Variants in VTA1 observed in about 807,000 individuals in gnomAD.
VTA1 encodes the protein vesicle trafficking 1, also known as vacuolar protein sorting-associated protein VTA1 homolog.
Under a neutral mutation model 36.9 loss-of-function variants are expected in VTA1, and 24 were observed. The ratio of observed to expected loss-of-function variants is 0.65; its 90% CI spans 0.47 to 0.91. The LOEUF is 0.91. VTA1 is among the 40% of genes least tolerant of loss of function. VTA1 has a pLI of 0.00. For missense variants in VTA1, 393 were observed against 377.2 expected (o/e 1.04, Z -0.35); for synonymous variants, 142 against 130.2 (o/e 1.09, Z -0.62).
chr6:142,184,065 A>G (rs1473224532), intron 4 of VTA1, among the ~76,000 whole-genome samples: 2 of 152,218 alleles, frequency 1.3e-5, no homozygotes, highest in Non-Finnish European at 2.9e-5. Context: ...GCCTAATTTT[A>G]AAGACCCTCA....
At chr6:142,171,293 C>T (rs1353194997) in intron 4 of VTA1, among the ~76,000 whole-genome samples, 1 of 152,054 alleles carries the variant, frequency 6.6e-6, no homozygotes, top group African/African-American at 2.4e-5. Flanking sequence ...CAGGGTTTCA[C>T]CATGTTGGTC....
chr6:142,193,156 G>C (rs1270314576), intron 5 of VTA1, among the ~76,000 whole-genome samples: 1 of 152,016 alleles, frequency 6.6e-6, no homozygotes, highest in Non-Finnish European at 1.5e-5. Context: ...CTTTTGAAAA[G>C]TACAGTTACT....
At chr6:142,168,791 G>T (rs533413532) in intron 2 of VTA1, among the ~76,000 whole-genome samples, 48 of 148,142 alleles carry the variant, frequency 3.2e-4, no homozygotes, top group African/African-American at 1.2e-3. Flanking sequence ...TTTTGAGACA[G>T]AGTCTCGCTC....
chr6:142,195,670 A>C (rs1402988571), intron 5 of VTA1, among the ~76,000 whole-genome samples: 2 of 140,946 alleles, frequency 1.4e-5, no homozygotes, highest in East Asian at 4.1e-4. Context: ...CTTTTCTGAT[A>C]GAATAATTTA....
chr6:142,213,801 A>G (rs1775950969), intron 7 of VTA1, among the ~76,000 whole-genome samples: 1 of 152,168 alleles, frequency 6.6e-6, no homozygotes, highest in African/African-American at 2.4e-5. Context: ...AAGGCTACAC[A>G]GAGCAGCTGG....
intron 4 of VTA1, among the ~76,000 whole-genome samples, chr6:142,180,927 G>A (rs931932181): frequency 1.3e-5 from 2 of 151,340 alleles, no homozygotes; most frequent in Non-Finnish European, 1.5e-5. Context: ...TACAAAGGAC[G>A]TGATTGGGAC....
At position 142,219,315 on chromosome 6, in the gene VTA1, G is replaced by A. The variant is rs1776060725; in HGVS notation, c.*672G>A. On this transcript the variant is annotated 3_prime_UTR_variant, in exon 8 of 8. Coordinates refer to ENST00000367630, the MANE Select transcript of VTA1 (RefSeq NM_016485.5). The stretch of plus-strand genomic sequence containing the variant: ...CTTTACCTTATCTGTTAAAGCGTAA[G>A]ATGAATTGGTATTTGCTTCATAGGC... 1 of 152,174 alleles carries A rather than the reference G, an allele frequency of 6.6e-6. No homozygotes were observed. Among genetic ancestry groups the A allele is most frequent in the South Asian group, 2.1e-4 (1 of 4,832 alleles). The allele number at this position is 152,174 out of a possible 1,614,324, so 9.4% of individuals were successfully genotyped here.
intron 6 of VTA1, 123 bp from the exon 7 acceptor site, chr6:142,203,862 C>A: frequency 1.4e-6 from 1 of 723,102 alleles, no homozygotes; most frequent in Non-Finnish European, 2.4e-6. Flanking sequence ...AAGTTAGAAT[C>A]CATTGATGTT....
At position 142,218,730 on chromosome 6, in the gene VTA1, T is replaced by C; in HGVS notation, c.*87T>C. On this transcript the variant is annotated 3_prime_UTR_variant, in exon 8 of 8. Coordinates refer to ENST00000367630, the MANE Select transcript of VTA1 (RefSeq NM_016485.5). ...CTTCAGCCTATCAGGATCACAGTTTTAAGGAAGACTTGGTTTTGTTGAATA... is the reference window on the plus strand; with the variant it reads ...CTTCAGCCTATCAGGATCACAGTTTCAAGGAAGACTTGGTTTTGTTGAATA... 1 of 1,435,172 alleles carries C rather than the reference T, an allele frequency of 7.0e-7. No individual in the cohort carries two copies. Among genetic ancestry groups the C allele is most frequent in the Admixed American group, 2.6e-5 (1 of 38,170 alleles). The allele number at this position is 1,435,172 out of a possible 1,614,324, so 88.9% of individuals were successfully genotyped here. A position where few individuals can be genotyped will look rare whatever the true frequency, so the allele number is the denominator to read the frequency against.
intron 1 of VTA1, 137 bp downstream of exon 1, chr6:142,147,536 C>T (rs1372485668): frequency 1.1e-5 from 9 of 842,188 alleles, no homozygotes; most frequent in East Asian, 2.7e-5. Flanking sequence ...ACCCAGGGAA[C>T]TCCCTGGGTT....
intron 7 of VTA1, among the ~76,000 whole-genome samples, chr6:142,205,312 A>G (rs920129392): frequency 6.6e-6 from 1 of 151,748 alleles, no homozygotes; most frequent in African/African-American, 2.4e-5. Flanking sequence ...CTCCTTTTTA[A>G]TTTTGTGGAT....
chr6:142,149,146 A>G (rs1778516687), intron 1 of VTA1, among the ~76,000 whole-genome samples: 3 of 152,138 alleles, frequency 2.0e-5, no homozygotes, highest in Non-Finnish European at 4.4e-5. Flanking sequence ...TTCCAGCCTT[A>G]TAGGTAAGTT....
intron 6 of VTA1, among the ~76,000 whole-genome samples, chr6:142,202,110 G>C (rs1775697068): frequency 6.6e-6 from 1 of 151,900 alleles, no homozygotes. Context: ...CAAAGCACTA[G>C]ACATGACTAG....
intron 1 of VTA1, among the ~76,000 whole-genome samples, chr6:142,157,032 C>T (rs1221747803): frequency 1.3e-5 from 2 of 152,092 alleles, no homozygotes; most frequent in Non-Finnish European, 1.5e-5. Flanking sequence ...GGCGTGGTAG[C>T]GTTTACCTGT....
chr6:142,203,092 T>G (rs1454844813), intron 6 of VTA1, among the ~76,000 whole-genome samples: 1 of 152,032 alleles, frequency 6.6e-6, no homozygotes, highest in East Asian at 1.9e-4. Context: ...TAGAAAATTT[T>G]AGAACTTCAG....
intron 1 of VTA1, among the ~76,000 whole-genome samples, chr6:142,162,439 A>T (rs1002277445): frequency 6.6e-6 from 1 of 152,168 alleles, no homozygotes; most frequent in Non-Finnish European, 1.5e-5. Flanking sequence ...CATCCTTCAA[A>T]TTATTATTTT....
chr6:142,177,382 C>T (rs866656871), intron 4 of VTA1, among the ~76,000 whole-genome samples: 2 of 152,232 alleles, frequency 1.3e-5, no homozygotes, highest in Middle Eastern at 3.4e-3. Flanking sequence ...TTTCAACATA[C>T]GTAAGATGAT....
At chr6:142,213,039 T>A (rs1775933509) in intron 7 of VTA1, among the ~76,000 whole-genome samples, 1 of 152,232 alleles carries the variant, frequency 6.6e-6, no homozygotes, top group Admixed American at 6.5e-5. Context: ...CGTTTCAGCA[T>A]TAACTCAAGT....
intron 5 of VTA1, among the ~76,000 whole-genome samples, chr6:142,190,456 G>A (rs1345873163): frequency 6.6e-6 from 1 of 151,416 alleles, no homozygotes; most frequent in African/African-American, 2.4e-5. Context: ...AACTTAATAT[G>A]TACAGGAAAA....
Sources: allele counts gnomAD v4.1 joint callset (sites outside exome capture counted in the v4.1 genomes callset), GRCh38; gene constraint gnomAD v4.1.1; transcripts MANE v1.5; gene names NCBI Gene and HGNC (gene_info 2026-07-23, HGNC 2026-07-21).